Variants in TFG observed in about 807,000 individuals in gnomAD.
TFG encodes the protein protein TFG.
Under a neutral mutation model 51.4 loss-of-function variants are expected in TFG, and 22 were observed. That is an observed-to-expected ratio of 0.43 (90% confidence interval 0.31 to 0.61). The LOEUF is 0.61. TFG is among the 20% of genes least tolerant of loss of function. The pLI is 0.12. For missense variants in TFG, 419 were observed against 487.7 expected, an observed-to-expected ratio of 0.86 and a Z score of 1.33; for synonymous variants, 187 against 165.6, an observed-to-expected ratio of 1.13 and a Z score of -0.99.
intron 7 of TFG, among the ~76,000 whole-genome samples, chr3:100,745,528 C>T (rs978712203): frequency 6.6e-6 from 1 of 152,124 alleles, no homozygotes; most frequent in African/African-American, 2.4e-5. Flanking sequence ...TACCATCTGT[C>T]CACTGAAGAT....
intron 2 of TFG, 38 bp downstream of exon 2, chr3:100,713,907 T>TTAAA: frequency 4.4e-6 from 4 of 898,886 alleles, no homozygotes; most frequent in Non-Finnish European, 6.1e-6. Context: ...AAAGTCTTTT[T>TTAAA]AAAAAAAAAA....
intron 4 of TFG, 123 bp downstream of exon 4, chr3:100,728,981 C>A: frequency 1.2e-6 from 1 of 816,382 alleles, no homozygotes; most frequent in Non-Finnish European, 1.9e-6. Context: ...CTTCCTCTGC[C>A]TCTCTACTAG....
At chr3:100,744,734 G>T in intron 6 of TFG, 99 bp from the exon 7 acceptor site, 1 of 724,586 alleles carries the variant, frequency 1.4e-6, no homozygotes, top group South Asian at 1.9e-5. Flanking sequence ...TTGTTACTCT[G>T]TTTGGATGGA....
chr3:100,717,852 A>C (rs1275905941), intron 2 of TFG, among the ~76,000 whole-genome samples: 1 of 152,064 alleles, frequency 6.6e-6, no homozygotes, highest in Non-Finnish European at 1.5e-5. Context: ...TTCCTTCCCA[A>C]TTTGGATACC....
intron 3 of TFG, among the ~76,000 whole-genome samples, chr3:100,726,278 C>T (rs2149075108): frequency 6.6e-6 from 1 of 152,314 alleles, no homozygotes; most frequent in African/African-American, 2.4e-5. Context: ...ACCCAGCAAG[C>T]AAACTTATCC....
chr3:100,727,697 C>T (rs1192126764), intron 3 of TFG, among the ~76,000 whole-genome samples: 1 of 151,988 alleles, frequency 6.6e-6, no homozygotes, highest in East Asian at 1.9e-4. Context: ...AGTAATGTTG[C>T]TTTCATTAAA....
At chr3:100,715,614 C>T (rs2095043598) in intron 2 of TFG, among the ~76,000 whole-genome samples, 1 of 152,134 alleles carries the variant, frequency 6.6e-6, no homozygotes, top group Admixed American at 6.6e-5. Flanking sequence ...TTGAGAGTTG[C>T]CCATGTTAAG....
At chr3:100,723,958 G>A (rs140174756) in intron 3 of TFG, among the ~76,000 whole-genome samples, 1 of 151,980 alleles carries the variant, frequency 6.6e-6, no homozygotes, top group African/African-American at 2.4e-5. Flanking sequence ...CTTCTTTAGA[G>A]ACTATTGGAC....
intron 4 of TFG, 63 bp downstream of exon 4, chr3:100,728,921 A>G: frequency 7.1e-7 from 1 of 1,407,098 alleles, no homozygotes; most frequent in Non-Finnish European, 9.4e-7. Context: ...GGTTTTAAAA[A>G]ACTCTTTTTA....
At chr3:100,716,226 C>T (rs1180881404) in intron 2 of TFG, among the ~76,000 whole-genome samples, 2 of 152,260 alleles carry the variant, frequency 1.3e-5, no homozygotes, top group Non-Finnish European at 2.9e-5. Flanking sequence ...TTCCCCTACC[C>T]TTTGCAGCCT....
At chr3:100,726,430 G>GAA (rs1451356871) in intron 3 of TFG, among the ~76,000 whole-genome samples, 2 of 152,166 alleles carry the variant, frequency 1.3e-5, no homozygotes, top group Non-Finnish European at 2.9e-5. Flanking sequence ...GACACACCCA[G>GAA]AAACAGTACT....
rs2095153805 is a variant in TFG, at chr3:100,748,225, A to G, written c.897A>G (p.Ala299=). ...QGYGQQPTSQ[A]PAPAFSGQPQ... ...ATGGCCAGCAACCAACTTCCCAGGC[A>G]CCAGCTCCTGCCTTTTCTGGTCAGC... The change falls in exon 8 of 8, where the codon GCA becomes GCG. Residue 299 remains alanine, a synonymous_variant. Transcript: ENST00000240851. The G allele has an allele frequency of 6.2e-7, 1 of 1,614,006 alleles. No individual in the cohort carries two copies. The highest frequency in any genetic ancestry group is 8.5e-7 in the Non-Finnish European group (1 of 1,180,000).
At chr3:100,718,580 C>G (rs1576357502) in intron 2 of TFG, among the ~76,000 whole-genome samples, 1 of 73,802 alleles carries the variant, frequency 1.4e-5, no homozygotes, top group African/African-American at 5.5e-5. Flanking sequence ...TTTTTTGAGA[C>G]AAAGTCTTGC....
At chr3:100,735,587 C>A (rs1576371887) in intron 5 of TFG, among the ~76,000 whole-genome samples, 1 of 152,180 alleles carries the variant, frequency 6.6e-6, no homozygotes, top group Non-Finnish European at 1.5e-5. Context: ...GGATTTGAAC[C>A]TGGGTAGTCT....
chr3:100,715,175 C>A (rs764202888), intron 2 of TFG, among the ~76,000 whole-genome samples: 6 of 152,124 alleles, frequency 3.9e-5, no homozygotes, highest in Non-Finnish European at 7.4e-5. Context: ...TAAAGTAATG[C>A]CAGCAGATAT....
chr3:100,732,612 CA>C lies in TFG; in HGVS notation c.522del (p.Asp175MetfsTer13). ...GTCTGCTTTTGATCCTTTAAAAAAC[CA>C]AGATGAAATCAATAAAAATGTTATG... is the stretch of plus-strand genomic sequence containing the variant. ...SMSAFDPLKN[Q>X]DEINKNVMSA... On this transcript the variant is annotated frameshift_variant, in exon 5 of 8. Coordinates refer to ENST00000240851, the MANE Select transcript of TFG (RefSeq NM_006070.6). LOFTEE classifies it high-confidence loss of function. The C allele has an allele frequency of 6.2e-7, 1 of 1,611,724 alleles. No individual in the cohort carries two copies. The highest frequency in any genetic ancestry group is 8.5e-7 in the Non-Finnish European group (1 of 1,178,900).
At chr3:100,730,726 C>G (rs2095089258) in intron 4 of TFG, among the ~76,000 whole-genome samples, 1 of 152,086 alleles carries the variant, frequency 6.6e-6, no homozygotes, top group African/African-American at 2.4e-5. Context: ...GCTTGTTTTC[C>G]TTTAAGAGGC....
rs761080881 is a variant in TFG at position 100,748,771 on chromosome 3, C to T, written c.*240C>T. 78 of 483,210 alleles carry T rather than the reference C, an allele frequency of 1.6e-4. No homozygotes were observed. The highest frequency in any genetic ancestry group is 5.4e-4 in the Middle Eastern group (1 of 1,864). 29.9% of individuals were successfully genotyped at this position (483,210 alleles called of 1,614,324 possible). ...TAGTTACTTTGGAACACTACTCTTACATGTATAAAGTGATTGACTTGACTT... is the reference window on the plus strand; with the variant it reads ...TAGTTACTTTGGAACACTACTCTTATATGTATAAAGTGATTGACTTGACTT... On this transcript the variant is annotated 3_prime_UTR_variant, in exon 8 of 8. Coordinates refer to ENST00000240851, the MANE Select transcript of TFG (RefSeq NM_006070.6).
intron 7 of TFG, among the ~76,000 whole-genome samples, chr3:100,745,319 AAC>A (rs1421923948): frequency 1.3e-5 from 2 of 152,184 alleles, no homozygotes; most frequent in Non-Finnish European, 2.9e-5. Context: ...TAGAAATATG[AAC>A]AGTTTACTAT....
Sources: gnomAD v4.1 joint callset for allele counts (sites outside exome capture counted in the v4.1 genomes callset) on GRCh38, gnomAD v4.1.1 for gene constraint, MANE v1.5 for transcripts, NCBI Gene and HGNC (gene_info 2026-07-23, HGNC 2026-07-21) for gene names.